CNMD: variants seen among roughly 807,000 people sequenced by gnomAD.
CNMD encodes the protein leukocyte cell-derived chemotaxin 1.
Under a neutral mutation model 37.5 loss-of-function variants are expected in CNMD, and 30 were observed. The observed-to-expected ratio is 0.80, with a 90% CI of 0.60 to 1.09. CNMD has a LOEUF of 1.09. Ranked by LOEUF, CNMD falls within the 50% of genes least tolerant of loss-of-function variation. The probability of loss-of-function intolerance (pLI) is 0.00; values close to 1 mark genes in which losing one functional copy is unlikely to be tolerated. For missense variants in CNMD, 398 were observed against 423.9 expected (o/e 0.94, Z 0.54); for synonymous variants, 167 against 148.2 (o/e 1.13, Z -0.92).
At chr13:52,727,868 G>T (rs1445546401) in intron 3 of CNMD, among the ~76,000 whole-genome samples, 2 of 152,116 alleles carry the variant, frequency 1.3e-5, no homozygotes, top group Non-Finnish European at 2.9e-5. Flanking sequence ...TTAGACAGAA[G>T]AAATAAGTTC....
chr13:52,708,032 T>C (rs1369378384), intron 6 of CNMD, among the ~76,000 whole-genome samples: 1 of 151,968 alleles, frequency 6.6e-6, no homozygotes, highest in African/African-American at 2.4e-5. Flanking sequence ...GGAGAATTGC[T>C]TGAACCTGGG....
chr13:52,718,912 T>C (rs1434042892), intron 4 of CNMD, among the ~76,000 whole-genome samples: 2 of 152,156 alleles, frequency 1.3e-5, no homozygotes, highest in Non-Finnish European at 1.5e-5. Flanking sequence ...ATCTGTCTAA[T>C]ATTGAAAGCG....
chr13:52,739,285 A>G lies in CNMD; in HGVS notation c.73-114T>C, dbSNP rs919653227. 1.6e-6 allele frequency: 2 copies of G among 1,257,760 alleles called. No homozygotes were observed. The highest frequency in any genetic ancestry group is 1.6e-5 in the African/African-American group (1 of 62,998). The allele number at this position is 1,257,760 out of a possible 1,614,324, so 77.9% of individuals were successfully genotyped here. The stretch of plus-strand genomic sequence containing the variant: ...CAGGGAGTGGGGAGTCGGGCGGGAA[A>G]CAGCTCGCCCGGGCTCCTACGGGTG... On this transcript the variant is annotated intron_variant, in intron 1 of 6. Coordinates refer to ENST00000377962, the MANE Select transcript of CNMD (RefSeq NM_007015.3). This position sits in a 1 kb window ranked among gnomAD's most constrained non-coding sequence, Gnocchi z 5.4.
chr13:52,720,436 C>G (rs1339458667), intron 4 of CNMD, among the ~76,000 whole-genome samples: 2 of 152,076 alleles, frequency 1.3e-5, no homozygotes, highest in Non-Finnish European at 2.9e-5. Flanking sequence ...GAATTTTCAG[C>G]CTTTTTGCAC....
At chr13:52,733,652 G>A in intron 2 of CNMD, 1 of 440,462 alleles carries the variant, frequency 2.3e-6, no homozygotes, top group Non-Finnish European at 4.3e-6. Flanking sequence ...AGACTCTCTG[G>A]GTACCATGCC....
At chr13:52,732,048 A>T (rs1034690861) in intron 3 of CNMD, among the ~76,000 whole-genome samples, 1 of 152,250 alleles carries the variant, frequency 6.6e-6, no homozygotes, top group African/African-American at 2.4e-5. Flanking sequence ...AATATCTGAC[A>T]TCACAATAGC....
chr13:52,739,071 G>A lies in CNMD; in HGVS notation c.173C>T (p.Ala58Val), dbSNP rs1314631955. 4 of 1,581,534 alleles carry A rather than the reference G, an allele frequency of 2.5e-6. No individual in the cohort carries two copies. The East Asian group carries it at 1.0e-4, about 40-fold the overall frequency. ...ISGAVLLLFG[A>V]IGAFYFWKGS... ...CTTCCAGAAGTAGAAGGCCCCGATG[G>A]CCCCAAAGAGCAGCAGCACAGCTCC... Residue 58 changes from alanine (A) to valine (V), a missense_variant, in exon 2 of 7, where the codon GCC (alanine) becomes GTC (valine). Transcript: ENST00000377962. This position sits in a 1 kb window ranked among gnomAD's most constrained non-coding sequence, Gnocchi z 5.4.
At chr13:52,706,482 ACTC>A (rs1964176068) in intron 6 of CNMD, among the ~76,000 whole-genome samples, 1 of 152,032 alleles carries the variant, frequency 6.6e-6, no homozygotes, top group South Asian at 2.1e-4. Flanking sequence ...ACCTTTATTT[ACTC>A]CTCATAATCC....
intron 4 of CNMD, 77 bp from the exon 5 acceptor site, chr13:52,712,946 G>T: frequency 1.7e-6 from 2 of 1,185,532 alleles, no homozygotes; most frequent in South Asian, 3.9e-5. Flanking sequence ...GTTGCTAAAA[G>T]GTTATTTTGC....
At chr13:52,716,113 CT>C (rs1964375540) in intron 4 of CNMD, among the ~76,000 whole-genome samples, 1 of 152,162 alleles carries the variant, frequency 6.6e-6, no homozygotes, top group South Asian at 2.1e-4. Context: ...TGATGATCAA[CT>C]TTTTTTCATG....
At chr13:52,725,358 G>A (rs547064794) in intron 3 of CNMD, among the ~76,000 whole-genome samples, 1 of 152,196 alleles carries the variant, frequency 6.6e-6, no homozygotes, top group South Asian at 2.1e-4. Flanking sequence ...ACTGAGCCCA[G>A]AGTAAACAGT....
intron 3 of CNMD, among the ~76,000 whole-genome samples, chr13:52,728,154 G>A (rs1464725297): frequency 3.9e-5 from 6 of 152,150 alleles, no homozygotes; most frequent in Non-Finnish European, 4.4e-5. Context: ...TTGGGAGGCC[G>A]AGGCAGGAGG....
rs1195653344 is a variant in CNMD, at chr13:52,703,619, CA to C, written c.980del (p.Val327GlyfsTer23). On this transcript the variant is annotated frameshift_variant, in exon 7 of 7. Transcript: ENST00000377962. LOFTEE classifies it high-confidence loss of function. The stretch of plus-strand genomic sequence containing the variant: ...TTCACACCATGCCCAAGATACGGGC[CA>C]CCCACCAGCTACATGGCATGATGAC... ...CRVIMPCSWW[V>X]ARILGMV The C allele has an allele frequency of 6.2e-7, 1 of 1,612,642 alleles. No homozygotes were observed. The highest frequency in any genetic ancestry group is 8.5e-7 in the Non-Finnish European group (1 of 1,178,994).
chr13:52,708,079 C>A (rs536205783), intron 6 of CNMD, among the ~76,000 whole-genome samples: 3 of 151,930 alleles, frequency 2.0e-5, no homozygotes, highest in Non-Finnish European at 2.9e-5. Flanking sequence ...AACAAAAAAA[C>A]AACTTTGCAA....
intron 4 of CNMD, among the ~76,000 whole-genome samples, chr13:52,715,254 A>C (rs1413989393): frequency 6.6e-6 from 1 of 152,014 alleles, no homozygotes; most frequent in Non-Finnish European, 1.5e-5. Flanking sequence ...TATTCTTTAT[A>C]ACTAATTTTT....
In CNMD at chr13:52,708,578, A is replaced by AAC; in HGVS notation, c.745_746dup (p.Gln250PhefsTer22). 6.2e-7 allele frequency: 1 copy of AAC among 1,614,002 alleles called. No individual in the cohort carries two copies. The highest frequency in any genetic ancestry group is 8.5e-7 in the Non-Finnish European group (1 of 1,179,972). On this transcript the variant is annotated frameshift_variant, in exon 6 of 7. Coordinates refer to ENST00000377962, the MANE Select transcript of CNMD (RefSeq NM_007015.3). LOFTEE classifies it high-confidence loss of function. ...GATTGAAGGCTTGTGAGTCCTCTTGAACACTGGGTCTGGTTTCATTATTCA... is the reference window on the plus strand; with the variant it reads ...GATTGAAGGCTTGTGAGTCCTCTTGAACACACTGGGTCTGGTTTCATTATTCA...
intron 5 of CNMD, 45 bp downstream of exon 5, chr13:52,712,671 G>C (rs1964308309): frequency 1.5e-6 from 2 of 1,359,894 alleles, no homozygotes; most frequent in Non-Finnish European, 1.9e-6. Flanking sequence ...TCACATGCAT[G>C]AACAGGGAAA....
intron 3 of CNMD, among the ~76,000 whole-genome samples, chr13:52,732,726 T>C (rs1281351632): frequency 6.6e-6 from 1 of 152,224 alleles, no homozygotes; most frequent in East Asian, 1.9e-4. Flanking sequence ...TGGATTGTTT[T>C]GAGCATTTTA....
At chr13:52,706,240 C>T (rs1369859677) in intron 6 of CNMD, among the ~76,000 whole-genome samples, 1 of 152,118 alleles carries the variant, frequency 6.6e-6, no homozygotes, top group Non-Finnish European at 1.5e-5. Context: ...GAAGTGGGTC[C>T]TTTCATTACT....
Sources: allele counts gnomAD v4.1 joint callset (sites outside exome capture counted in the v4.1 genomes callset), GRCh38; gene constraint gnomAD v4.1.1; non-coding constraint Gnocchi (gnomAD v3.1); transcripts MANE v1.5; gene names NCBI Gene and HGNC (gene_info 2026-07-23, HGNC 2026-07-21).